Variants in PIGN observed in about 807,000 individuals in gnomAD.
PIGN encodes the protein phosphatidylinositol glycan anchor biosynthesis class N, also known as GPI ethanolamine phosphate transferase 1.
PIGN carries 117 observed loss-of-function variants against 125.4 expected under a neutral mutation model. The observed-to-expected ratio is 0.93, with a 90% CI of 0.80 to 1.09. The LOEUF (loss-of-function observed/expected upper bound fraction) is 1.09, where lower values mean the gene tolerates loss of function less well. PIGN is among the 50% of genes least tolerant of loss of function. The probability of loss-of-function intolerance (pLI) is 0.00; values close to 1 mark genes in which losing one functional copy is unlikely to be tolerated. For synonymous variants in PIGN, 392 were observed against 377.8 expected, an observed-to-expected ratio of 1.04 and a Z score of -0.44; for missense variants, 1,075 against 1,094.9, an observed-to-expected ratio of 0.98 and a Z score of 0.26.
chr18:62,065,663 C>T (rs536406365), intron 30 of PIGN, among the ~76,000 whole-genome samples: 103 of 151,894 alleles, frequency 6.8e-4, no homozygotes, highest in African/African-American at 2.3e-3. Flanking sequence ...GGTGTGAACC[C>T]GGGAGACAGA....
chr18:62,164,315 T>C (rs1251791854), intron 1 of PIGN, among the ~76,000 whole-genome samples: 1 of 152,216 alleles, frequency 6.6e-6, no homozygotes, highest in Non-Finnish European at 1.5e-5. Context: ...ATATATAACA[T>C]AATGTATTAG....
At position 62,146,778 on chromosome 18, in the gene PIGN, C is replaced by T. The variant is rs753596412; in HGVS notation, c.805+193G>A. 3.3e-5 allele frequency among the ~76,000 whole-genome samples: 5 copies of T among 152,030 alleles called. No homozygotes were observed. In the South Asian group the frequency reaches 6.2e-4, roughly 19 times the overall value. On this transcript the variant is annotated intron_variant, in intron 9 of 30. Coordinates refer to ENST00000640252, the MANE Select transcript of PIGN (RefSeq NM_176787.5). ...TGTCATTTGTAAATGAGAATATATT[C>T]GTTTTTTAGTTAGAGAAAATATTTT...
intron 25 of PIGN, among the ~76,000 whole-genome samples, chr18:62,087,190 T>C (rs2033749286): frequency 6.6e-6 from 1 of 152,128 alleles, no homozygotes; most frequent in African/African-American, 2.4e-5. Flanking sequence ...GAAAAAAGTA[T>C]GGCTGAAGAT....
At chr18:62,101,851 T>G (rs573870740) in intron 21 of PIGN, among the ~76,000 whole-genome samples, 1 of 152,330 alleles carries the variant, frequency 6.6e-6, no homozygotes, top group Non-Finnish European at 1.5e-5. Context: ...CATCGTTATC[T>G]ATGGAAAAAG....
chr18:62,071,860 TTCCATATATATATATA>T, intron 30 of PIGN, among the ~76,000 whole-genome samples: 1 of 105,462 alleles, frequency 9.5e-6, no homozygotes, highest in Admixed American at 1.1e-4. Flanking sequence ...TGTACTCCTT[TTCCATATATATATATA>T]TATATATATA....
chr18:62,070,546 T>C (rs1031944940), intron 30 of PIGN: 3 of 397,964 alleles, frequency 7.5e-6, no homozygotes, highest in Non-Finnish European at 1.3e-5. Context: ...GTTTAACACA[T>C]GGTGTCTCCT....
intron 27 of PIGN, among the ~76,000 whole-genome samples, chr18:62,083,840 T>A (rs569351909): frequency 3.5e-4 from 53 of 152,202 alleles, no homozygotes; most frequent in African/African-American, 1.3e-3. Flanking sequence ...AAAGTAGACA[T>A]TAATCCTATT....
chr18:62,168,376 A>G lies in PIGN; in HGVS notation c.-235-4720T>C, dbSNP rs115625383. Among the ~76,000 whole-genome samples the G allele has an allele frequency of 2.6e-3, 400 of 152,272 alleles. 1 individual carries two copies. The highest frequency in any genetic ancestry group is 9.3e-3 in the African/African-American group (387 of 41,546). ...CAGACACCTGTATACCCCTTAGCAT[A>G]TTCACCTAAATGTTAACATTTCCCC... On this transcript the variant is annotated intron_variant, in intron 1 of 30. Coordinates refer to ENST00000640252, the MANE Select transcript of PIGN (RefSeq NM_176787.5).
chr18:62,166,578 T>G (rs2037141598), intron 1 of PIGN, among the ~76,000 whole-genome samples: 1 of 152,186 alleles, frequency 6.6e-6, no homozygotes, highest in Non-Finnish European at 1.5e-5. Context: ...GGATTATAAA[T>G]CATTCTATAT....
At chr18:62,071,883 T>A (rs2032885311) in intron 30 of PIGN, among the ~76,000 whole-genome samples, 1 of 118,880 alleles carries the variant, frequency 8.4e-6, no homozygotes, top group African/African-American at 3.1e-5. Flanking sequence ...TATATATATA[T>A]ATATATATAT....
At chr18:62,128,304 TATC>T (rs1211216668) in intron 14 of PIGN, among the ~76,000 whole-genome samples, 1 of 152,230 alleles carries the variant, frequency 6.6e-6, no homozygotes, top group African/African-American at 2.4e-5. Context: ...CTTTCAGAGA[TATC>T]ATCTTTGGAG....
intron 30 of PIGN, among the ~76,000 whole-genome samples, chr18:62,071,807 G>A (rs1214203146): frequency 1.4e-5 from 2 of 142,718 alleles, no homozygotes; most frequent in Non-Finnish European, 3.0e-5. Context: ...ACTGTTACCA[G>A]TATCTACATT....
chr18:62,169,512 G>T (rs1446304213), intron 1 of PIGN, among the ~76,000 whole-genome samples: 1 of 151,170 alleles, frequency 6.6e-6, no homozygotes, highest in Non-Finnish European at 1.5e-5. Flanking sequence ...CAATCCTCCT[G>T]CCTTGGACTC....
At position 62,120,459 on chromosome 18, in the gene PIGN, G is replaced by A. The variant is rs189373533; in HGVS notation, c.1173-5820C>T. Among the ~76,000 whole-genome samples, 240 of 152,186 alleles carry A rather than the reference G, an allele frequency of 1.6e-3. 1 individual carries two copies. Among genetic ancestry groups the A allele is most frequent in the African/African-American group, 5.4e-3 (223 of 41,536 alleles). The stretch of plus-strand genomic sequence containing the variant: ...TGTCATATCATAGACAAGAAATACA[G>A]AAATGTGGAAAGGAATGAAGAGCAA... On this transcript the variant is annotated intron_variant, in intron 14 of 30. Coordinates refer to ENST00000640252, the MANE Select transcript of PIGN (RefSeq NM_176787.5).
chr18:62,111,885 TAACG>T (rs2034893720), intron 16 of PIGN, among the ~76,000 whole-genome samples: 1 of 152,196 alleles, frequency 6.6e-6, no homozygotes, highest in African/African-American at 2.4e-5. Context: ...ATTATCAGAT[TAACG>T]AATAATGAAG....
chr18:62,177,497 T>C lies in PIGN; in HGVS notation c.-236+9347A>G, dbSNP rs140524315. Among the ~76,000 whole-genome samples the C allele has an allele frequency of 1.6e-3, 239 of 152,336 alleles. 1 individual carries two copies. The highest frequency in any genetic ancestry group is 5.3e-3 in the African/African-American group (221 of 41,592). On this transcript the variant is annotated intron_variant, in intron 1 of 30. Transcript: ENST00000640252. ...ACAGATGATTAACGTCTTTGTCTAC[T>C]AAGTCCAATGTCAGGACTTCCTCAA... is the stretch of plus-strand genomic sequence containing the variant.
chr18:62,117,611 TACA>T, intron 14 of PIGN, among the ~76,000 whole-genome samples: 1 of 152,072 alleles, frequency 6.6e-6, no homozygotes, highest in Non-Finnish European at 1.5e-5. Flanking sequence ...GAGTTGTGGG[TACA>T]ACAATTTTTA....
downstream of PIGN, among the ~76,000 whole-genome samples, chr18:62,037,944 C>CTAT (rs1215556126): frequency 6.6e-6 from 1 of 152,120 alleles, no homozygotes; most frequent in African/African-American, 2.4e-5. Flanking sequence ...ATTATTTGTG[C>CTAT]TATTGTTTCT....
In PIGN at chr18:62,045,912, G is replaced by A. The variant is rs1568111385; in HGVS notation, c.2740C>T (p.Leu914=). The change falls in exon 31 of 31, where the codon CTG becomes TTG. Residue 914 remains leucine, a synonymous_variant. Coordinates refer to ENST00000640252, the MANE Select transcript of PIGN (RefSeq NM_176787.5). The stretch of plus-strand genomic sequence containing the variant: ...AGTCTGAGTTTCTTCGTTGTGAGCA[G>A]CTGGGCCAGGCCATTGAGGAACACC... ...FLVFLNGLAQ[L]LTTKKLRLCG... 1.2e-6 allele frequency: 2 copies of A among 1,613,782 alleles called. No individual in the cohort carries two copies. Among genetic ancestry groups the A allele is most frequent in the Non-Finnish European group, 1.7e-6 (2 of 1,179,752 alleles).
Sources: allele counts gnomAD v4.1 joint callset (sites outside exome capture counted in the v4.1 genomes callset), GRCh38; gene constraint gnomAD v4.1.1; transcripts MANE v1.5; gene names NCBI Gene and HGNC (gene_info 2026-07-23, HGNC 2026-07-21).